The following GPC6 variants were observed in gnomAD, a reference collection of about 807,000 sequenced individuals.
The protein encoded by GPC6 is glypican 6, also known as glypican-6.
A neutral mutation model predicts 55.2 loss-of-function variants in GPC6; 14 were observed. The ratio of observed to expected loss-of-function variants is 0.25; its 90% CI spans 0.17 to 0.40. The LOEUF is 0.40. Ranked by LOEUF, GPC6 falls within the 10% of genes least tolerant of loss-of-function variation. GPC6 has a pLI of 1.00. For missense variants in GPC6, 641 were observed against 708.5 expected (o/e 0.90, Z 1.08); for synonymous variants, 278 against 259.6 (o/e 1.07, Z -0.68).
intron 1 of GPC6, among the ~76,000 whole-genome samples, chr13:93,451,443 G>A (rs554317770): frequency 3.9e-5 from 6 of 152,176 alleles, no homozygotes; most frequent in Non-Finnish European, 8.8e-5. Context: ...TGGCTTTTAC[G>A]TTTTTAAATG....
At chr13:93,878,238 A>C (rs1874712458) in intron 3 of GPC6, among the ~76,000 whole-genome samples, 1 of 152,044 alleles carries the variant, frequency 6.6e-6, no homozygotes, top group African/African-American at 2.4e-5. Context: ...AATAGTACTA[A>C]AAGGTGGGGC....
At chr13:93,844,436 C>T (rs915503099) in intron 3 of GPC6, among the ~76,000 whole-genome samples, 6 of 152,116 alleles carry the variant, frequency 3.9e-5, no homozygotes, top group East Asian at 1.9e-4. Flanking sequence ...CACGCCTGGC[C>T]GGTAAACACT....
At chr13:94,069,606 C>G (rs561372254) in intron 4 of GPC6, among the ~76,000 whole-genome samples, 17 of 152,046 alleles carry the variant, frequency 1.1e-4, no homozygotes, top group Non-Finnish European at 1.5e-5. Flanking sequence ...TAACAGTACC[C>G]AAATCACCTC....
intron 3 of GPC6, among the ~76,000 whole-genome samples, chr13:94,015,425 T>A (rs1028145938): frequency 1.8e-4 from 28 of 152,332 alleles, no homozygotes; most frequent in African/African-American, 6.3e-4. Context: ...TACTAGACTC[T>A]TATCAGATAT....
At chr13:93,287,521 C>G (rs1167533459) in intron 1 of GPC6, among the ~76,000 whole-genome samples, 1 of 152,172 alleles carries the variant, frequency 6.6e-6, no homozygotes, top group East Asian at 1.9e-4. Flanking sequence ...ACTGGGCATG[C>G]CTTTGTTTCA....
intron 2 of GPC6, among the ~76,000 whole-genome samples, chr13:93,782,404 A>G (rs1406452736): frequency 6.6e-6 from 1 of 152,158 alleles, no homozygotes; most frequent in Non-Finnish European, 1.5e-5. Flanking sequence ...GGTTGTGCGT[A>G]CATCTCTTGT....
At chr13:93,650,216 A>G (rs1044264530) in intron 2 of GPC6, among the ~76,000 whole-genome samples, 1 of 152,172 alleles carries the variant, frequency 6.6e-6, no homozygotes, top group African/African-American at 2.4e-5. Flanking sequence ...ACTTGTAAAT[A>G]TGGTTTAATT....
chr13:93,680,687 G>T (rs1881814941), intron 2 of GPC6, among the ~76,000 whole-genome samples: 1 of 152,136 alleles, frequency 6.6e-6, no homozygotes, highest in African/African-American at 2.4e-5. Context: ...AGTGGAAGAG[G>T]CTGCTCTCAT....
chr13:93,889,981 T>G, intron 3 of GPC6, among the ~76,000 whole-genome samples: 1 of 151,936 alleles, frequency 6.6e-6, no homozygotes, highest in East Asian at 1.9e-4. Context: ...CAAAAAAAAA[T>G]TCTACGCAGG....
chr13:93,672,014 TC>T (rs918447887), intron 2 of GPC6, among the ~76,000 whole-genome samples: 7 of 152,116 alleles, frequency 4.6e-5, no homozygotes, highest in African/African-American at 1.7e-4. Context: ...GTTTAATTAC[TC>T]CCATGATTGA....
intron 4 of GPC6, among the ~76,000 whole-genome samples, chr13:94,124,985 A>C (rs1886756068): frequency 6.6e-6 from 1 of 152,074 alleles, no homozygotes; most frequent in South Asian, 2.1e-4. Flanking sequence ...TAAACAGAAA[A>C]GGTAAAAAAT....
At chr13:93,923,323 CG>C in intron 3 of GPC6, among the ~76,000 whole-genome samples, 1 of 152,198 alleles carries the variant, frequency 6.6e-6, no homozygotes, top group East Asian at 1.9e-4. Flanking sequence ...AGTAATTGTT[CG>C]GGGAAAAGGG....
chr13:93,342,431 A>T (rs527768065), intron 1 of GPC6, among the ~76,000 whole-genome samples: 1 of 152,138 alleles, frequency 6.6e-6, no homozygotes, highest in South Asian at 2.1e-4. Context: ...TGTATGCAGG[A>T]GAACTGCCCT....
intron 1 of GPC6, among the ~76,000 whole-genome samples, chr13:93,345,639 C>A (rs1880401627): frequency 6.6e-6 from 1 of 152,090 alleles, no homozygotes; most frequent in African/African-American, 2.4e-5. Context: ...GTTTCATACA[C>A]CCACACAAAA....
intron 4 of GPC6, among the ~76,000 whole-genome samples, chr13:94,202,056 G>A (rs553674413): frequency 1.3e-5 from 2 of 152,224 alleles, no homozygotes; most frequent in South Asian, 4.1e-4. Flanking sequence ...TCACTCCCCT[G>A]GCATTTATGT....
At chr13:93,814,026 A>G (rs1258576066) in intron 2 of GPC6, among the ~76,000 whole-genome samples, 1 of 152,134 alleles carries the variant, frequency 6.6e-6, no homozygotes, top group Non-Finnish European at 1.5e-5. Context: ...TCTTCTTAAC[A>G]TGTAACTGCT....
chr13:93,597,743 A>T (rs149370983), intron 2 of GPC6, among the ~76,000 whole-genome samples: 60 of 152,252 alleles, frequency 3.9e-4, no homozygotes, highest in African/African-American at 1.3e-3. Flanking sequence ...AGCTCACTGT[A>T]TTGTGAAAAT....
At chr13:94,355,896 C>G (rs1878769378) in intron 6 of GPC6, among the ~76,000 whole-genome samples, 1 of 152,174 alleles carries the variant, frequency 6.6e-6, no homozygotes, top group African/African-American at 2.4e-5. Flanking sequence ...GTATTAAACC[C>G]CGCATGCATT....
chr13:93,781,673 T>A (rs1885656471), intron 2 of GPC6, among the ~76,000 whole-genome samples: 1 of 152,190 alleles, frequency 6.6e-6, no homozygotes, highest in Admixed American at 6.5e-5. Flanking sequence ...TCTGAAAATG[T>A]CTGAGACTGT....
Sources: allele counts gnomAD v4.1 joint callset (sites outside exome capture counted in the v4.1 genomes callset), GRCh38; gene constraint gnomAD v4.1.1; transcripts MANE v1.5; gene names NCBI Gene and HGNC (gene_info 2026-07-23, HGNC 2026-07-21).